NCOA2: variants seen among roughly 807,000 people sequenced by gnomAD.
NCOA2 encodes nuclear receptor coactivator 2, also known as class E basic helix-loop-helix protein 75.
NCOA2 carries 21 observed loss-of-function variants against 145.1 expected under a neutral mutation model. The ratio of observed to expected loss-of-function variants is 0.14; its 90% CI spans 0.10 to 0.21. The LOEUF (loss-of-function observed/expected upper bound fraction) is 0.21. NCOA2 is among the 10% of genes least tolerant of loss of function. The probability of loss-of-function intolerance (pLI) is 1.00; values close to 1 mark genes in which losing one functional copy is unlikely to be tolerated. For missense variants in NCOA2, 1,472 were observed against 1,837.6 expected, an observed-to-expected ratio of 0.80 and a Z score of 3.64; for synonymous variants, 619 against 637.5, an observed-to-expected ratio of 0.97 and a Z score of 0.44.
chr8:70,241,426 A>C (rs564425352), intron 2 of NCOA2, among the ~76,000 whole-genome samples: 1 of 152,200 alleles, frequency 6.6e-6, no homozygotes, highest in African/African-American at 2.4e-5. Context: ...AATGTTCATG[A>C]ATATGTTTCT....
chr8:70,224,142 AGT>A, intron 2 of NCOA2, among the ~76,000 whole-genome samples: 1 of 152,320 alleles, frequency 6.6e-6, no homozygotes. Flanking sequence ...CTCACATTCC[AGT>A]GCAGAAAAGA....
rs1017678952 is a variant in NCOA2, at chr8:70,111,883, CA to C, written c.*1748del. ...ATAAAATGCTTTGCTTTTTAGACAT[CA>C]AAAAGATATCATTCTGAAATTTAGG... On this transcript the variant is annotated 3_prime_UTR_variant, in exon 23 of 23. Transcript: ENST00000452400. 80 of 221,724 alleles carry C rather than the reference CA, an allele frequency of 3.6e-4. No individual in the cohort carries two copies. Among genetic ancestry groups the C allele is most frequent in the African/African-American group, 1.5e-3 (69 of 44,790 alleles). The allele number at this position is 221,724 out of a possible 1,614,324, so 13.7% of individuals were successfully genotyped here. A position where few individuals can be genotyped will look rare whatever the true frequency, so the allele number is the denominator to read the frequency against.
chr8:70,298,047 G>C (rs1163037122), intron 1 of NCOA2, among the ~76,000 whole-genome samples: 1 of 151,932 alleles, frequency 6.6e-6, no homozygotes, highest in Non-Finnish European at 1.5e-5. Context: ...GATTTAATCA[G>C]CTCCAAGGAA....
At chr8:70,157,866 G>T (rs1812463172) in intron 10 of NCOA2, among the ~76,000 whole-genome samples, 1 of 152,178 alleles carries the variant, frequency 6.6e-6, no homozygotes, top group African/African-American at 2.4e-5. Flanking sequence ...CAAGACCTCA[G>T]AGCCAACAGC....
chr8:70,214,277 G>C (rs561670477), intron 3 of NCOA2, among the ~76,000 whole-genome samples: 1 of 152,118 alleles, frequency 6.6e-6, no homozygotes, highest in Admixed American at 6.5e-5. Flanking sequence ...AGTTTGTAAT[G>C]AAACTATCTG....
rs1031507441 is a variant in NCOA2 at position 70,148,519 on chromosome 8, C to T, written c.2395-36G>A. On this transcript the variant is annotated intron_variant, in intron 11 of 22. Transcript: ENST00000452400. ...CAAACAGAAGAGTTTATCCAGTCTACTCTAAGAGTAGACACCACAAGCCCA... is the reference window on the plus strand; with the variant it reads ...CAAACAGAAGAGTTTATCCAGTCTATTCTAAGAGTAGACACCACAAGCCCA... 9 of 1,595,620 alleles carry T rather than the reference C, an allele frequency of 5.6e-6. 1 individual carries two copies. The South Asian group carries it at 8.9e-5, about 16-fold the overall frequency.
At chr8:70,207,219 A>G (rs1013491806) in intron 4 of NCOA2, among the ~76,000 whole-genome samples, 2 of 152,230 alleles carry the variant, frequency 1.3e-5, no homozygotes, top group African/African-American at 2.4e-5. Flanking sequence ...TGACAGAATT[A>G]ATTTCTTTTC....
intron 2 of NCOA2, among the ~76,000 whole-genome samples, chr8:70,241,631 C>G (rs1211444555): frequency 3.9e-5 from 6 of 152,170 alleles, no homozygotes; most frequent in Non-Finnish European, 1.5e-5. Flanking sequence ...CCAGCATCAT[C>G]TGAACTCAAT....
At chr8:70,118,887 C>T (rs1807450269) in intron 22 of NCOA2, among the ~76,000 whole-genome samples, 1 of 151,988 alleles carries the variant, frequency 6.6e-6, no homozygotes, top group African/African-American at 2.4e-5. Flanking sequence ...GAGGTTTCAC[C>T]ATGTTAGCCA....
rs138533828 is a variant in NCOA2 at position 70,241,275 on chromosome 8, A to G, written c.-19-24511T>C. Among the ~76,000 whole-genome samples, 156 of 152,288 alleles carry G rather than the reference A, an allele frequency of 1.0e-3. 1 individual carries two copies. The highest frequency in any genetic ancestry group is 3.5e-3 in the African/African-American group (147 of 41,576). ...ATGCAACACACTTCTTTCAGATCCC[A>G]GAACTACAAAGCTTCTCCCCACCCA... On this transcript the variant is annotated intron_variant, in intron 2 of 22. Coordinates refer to ENST00000452400, the MANE Select transcript of NCOA2 (RefSeq NM_006540.4).
At position 70,347,485 on chromosome 8, in the gene NCOA2, AAAAAAAAAAAG is replaced by A. The variant is rs200609807; in HGVS notation, c.-76-50696_-76-50686del. Among the ~76,000 whole-genome samples, 923 of 146,186 alleles carry A rather than the reference AAAAAAAAAAAG, an allele frequency of 6.3e-3. 5 individuals carry two copies. Among genetic ancestry groups the A allele is most frequent in the African/African-American group, 0.022 (889 of 39,918 alleles). On this transcript the variant is annotated intron_variant, in intron 1 of 22. Transcript: ENST00000452400. ...GGACGACAGAGCAAGACTCCATCTT[AAAAAAAAAAAG>A]AAAAAAAAAATGAGCTGGGCATGGT...
At chr8:70,118,676 T>C (rs1225258666) in intron 22 of NCOA2, among the ~76,000 whole-genome samples, 1 of 151,642 alleles carries the variant, frequency 6.6e-6, no homozygotes, top group Non-Finnish European at 1.5e-5. Flanking sequence ...GTACTGTCTC[T>C]ACTGGGGGAG....
chr8:70,436,052 C>A, the NCOA2 span, among the ~76,000 whole-genome samples: 1 of 151,980 alleles, frequency 6.6e-6, no homozygotes, highest in Non-Finnish European at 1.5e-5. Flanking sequence ...AAGTTTTATT[C>A]AACTGTGTTT....
rs1217727548 is a variant in NCOA2, at chr8:70,162,761, G to A, written c.926C>T (p.Ala309Val). 3.1e-6 allele frequency: 5 copies of A among 1,613,888 alleles called. No individual in the cohort carries two copies. Among genetic ancestry groups the A allele is most frequent in the Admixed American group, 1.7e-5 (1 of 60,020 alleles). Reference sequence around the variant, plus strand: ...GGACACAGATTCTCCTTCATGCTGCGCATGGAACTTCTGAATACACCTTCT... The same window carrying A: ...GGACACAGATTCTCCTTCATGCTGCACATGGAACTTCTGAATACACCTTCT... ...LVRRCIQKFH[A>V]QHEGESVSYA... Residue 309 changes from alanine (A) to valine (V), a missense_variant, in exon 9 of 23, where the codon GCG becomes GTG. Transcript: ENST00000452400.
At chr8:70,227,686 T>C (rs1820773005) in intron 2 of NCOA2, among the ~76,000 whole-genome samples, 1 of 152,132 alleles carries the variant, frequency 6.6e-6, no homozygotes, top group African/African-American at 2.4e-5. Flanking sequence ...GAAGCTCCCC[T>C]GCTCCAAAAA....
intron 9 of NCOA2, among the ~76,000 whole-genome samples, chr8:70,162,204 A>T (rs1813103445): frequency 1.3e-5 from 2 of 152,214 alleles, no homozygotes; most frequent in Admixed American, 1.3e-4. Flanking sequence ...TCTTGGGCTC[A>T]GTTCCAGCTG....
intron 1 of NCOA2, among the ~76,000 whole-genome samples, chr8:70,329,938 T>C (rs759518951): frequency 3.9e-5 from 6 of 152,076 alleles, no homozygotes; most frequent in Non-Finnish European, 8.8e-5. Context: ...TCTGGGGAAA[T>C]ACTAATGGAA....
intron 4 of NCOA2, among the ~76,000 whole-genome samples, chr8:70,198,773 C>T (rs980497003): frequency 1.1e-4 from 17 of 152,062 alleles, no homozygotes; most frequent in African/African-American, 1.7e-4. Context: ...AGGTGATCAG[C>T]GCATGGTGGT....
intron 2 of NCOA2, among the ~76,000 whole-genome samples, chr8:70,267,063 T>G (rs1824659077): frequency 6.6e-6 from 1 of 152,222 alleles, no homozygotes; most frequent in South Asian, 2.1e-4. Context: ...ATTACAGCAT[T>G]TTCTTGTGAT....
Sources: gnomAD v4.1 joint callset for allele counts (sites outside exome capture counted in the v4.1 genomes callset) on GRCh38, gnomAD v4.1.1 for gene constraint, MANE v1.5 for transcripts, NCBI Gene and HGNC (gene_info 2026-07-23, HGNC 2026-07-21) for gene names.